Variants in RNF17 observed in about 807,000 individuals in gnomAD.
The protein encoded by RNF17 is ring finger protein 17.
A neutral mutation model predicts 200.5 loss-of-function variants in RNF17; 31 were observed. That is an observed-to-expected ratio of 0.15 (90% CI 0.12 to 0.21). RNF17 has a LOEUF of 0.21. RNF17 is among the 10% of genes least tolerant of loss of function. RNF17 has a pLI of 1.00. For missense variants in RNF17, 1,628 were observed against 1,905.1 expected, an observed-to-expected ratio of 0.85 and a Z score of 2.71; for synonymous variants, 606 against 637.8, an observed-to-expected ratio of 0.95 and a Z score of 0.75.
intron 15 of RNF17, among the ~76,000 whole-genome samples, chr13:24,807,828 T>C (rs1886078286): frequency 1.3e-5 from 2 of 151,958 alleles, no homozygotes; most frequent in South Asian, 4.2e-4. Context: ...TTGTGTAAGG[T>C]GTAAGGAAGG....
rs1891887947 is a variant in RNF17, at chr13:24,851,505, A to C, written c.3254A>C (p.Glu1085Ala). 6.2e-7 allele frequency: 1 copy of C among 1,613,540 alleles called. No homozygotes were observed. The highest frequency in any genetic ancestry group is 8.5e-7 in the Non-Finnish European group (1 of 1,179,768). ...PLPVKIFCRDEKGERVDVSKY... is the reference protein window; with the variant it reads ...PLPVKIFCRDAKGERVDVSKY... ...CCTGTGAAAATTTTCTGCAGAGATG[A>C]AAAAGGAGAGCGTGTTGATGTTTCT... Residue 1085 changes from glutamate (E) to alanine (A), a missense_variant, in exon 24 of 36, where the codon GAA becomes GCA. Physicochemically the swap from Glu to Ala is moderately radical, Grantham distance 107. This residue lies in a region of RNF17 where 609 missense variants were observed against 681.9 expected (regional missense o/e 0.89). Coordinates refer to ENST00000255324, the MANE Select transcript of RNF17 (RefSeq NM_031277.3).
In RNF17 at chr13:24,821,808, A is replaced by G. The variant is rs144805446; in HGVS notation, c.2092-3811A>G. Among the ~76,000 whole-genome samples the G allele has an allele frequency of 2.7e-3, 415 of 152,054 alleles. 1 individual carries two copies. The highest frequency in any genetic ancestry group is 4.5e-3 in the Non-Finnish European group (303 of 67,976). On this transcript the variant is annotated intron_variant, in intron 15 of 35. Transcript: ENST00000255324. Reference sequence around the variant, plus strand: ...TATTTAAGACAGTTGAGTATTTTTGATTTGCATTTTTTTTCTGGTTGCACA... The same window carrying G: ...TATTTAAGACAGTTGAGTATTTTTGGTTTGCATTTTTTTTCTGGTTGCACA...
At chr13:24,838,969 C>T (rs536140015) in intron 18 of RNF17, among the ~76,000 whole-genome samples, 3 of 152,216 alleles carry the variant, frequency 2.0e-5, no homozygotes, top group Non-Finnish European at 2.9e-5. Flanking sequence ...AATAATTCAG[C>T]GAAGTTTCCG....
At chr13:24,832,700 G>C (rs1889547489) in intron 18 of RNF17, among the ~76,000 whole-genome samples, 1 of 152,062 alleles carries the variant, frequency 6.6e-6, no homozygotes, top group African/African-American at 2.4e-5. Flanking sequence ...TCTGAAACAT[G>C]CCTGGCCCCA....
At chr13:24,788,220 A>G (rs879760030) in intron 7 of RNF17, 61 bp downstream of exon 7, 108 of 1,298,894 alleles carry the variant, frequency 8.3e-5, no homozygotes, top group Non-Finnish European at 1.1e-4. Context: ...ATGCTTTGGA[A>G]TATATTTAAG....
the RNF17 span, chr13:24,886,210 A>G: frequency 6.4e-6 from 5 of 783,352 alleles, no homozygotes; most frequent in South Asian, 4.2e-5. Flanking sequence ...CTATGTGCCA[A>G]TGGATCATAT....
At chr13:24,773,266 G>C (rs1881046094) in intron 2 of RNF17, among the ~76,000 whole-genome samples, 1 of 152,176 alleles carries the variant, frequency 6.6e-6, no homozygotes, top group Non-Finnish European at 1.5e-5. Context: ...GGTTATCACA[G>C]TATCATTCAC....
intron 15 of RNF17, among the ~76,000 whole-genome samples, chr13:24,821,239 G>A (rs1888014412): frequency 6.6e-6 from 1 of 152,008 alleles, no homozygotes. Flanking sequence ...CTGAATTAGG[G>A]CCCATCCTAA....
Position 24,800,551 on chromosome 13 carries a change from T to A in RNF17, c.1758+17T>A. Reference sequence around the variant, plus strand: ...CAGAATTCAGTAAGTGAGACTTTAATTATTTTTTCCTTCAGAGGTTATTAC... The same window carrying A: ...CAGAATTCAGTAAGTGAGACTTTAAATATTTTTTCCTTCAGAGGTTATTAC... On this transcript the variant is annotated intron_variant, in intron 13 of 35. Coordinates refer to ENST00000255324, the MANE Select transcript of RNF17 (RefSeq NM_031277.3). 6.2e-7 allele frequency: 1 copy of A among 1,606,814 alleles called. No individual in the cohort carries two copies. The highest frequency in any genetic ancestry group is 8.5e-7 in the Non-Finnish European group (1 of 1,175,400).
chr13:24,845,890 G>A (rs1368094554), intron 22 of RNF17, among the ~76,000 whole-genome samples: 3 of 152,120 alleles, frequency 2.0e-5, no homozygotes, highest in Admixed American at 2.0e-4. Context: ...TTCAATTTGA[G>A]CAAGACAGGC....
downstream of RNF17, chr13:24,883,259 C>CCGTT: frequency 2.5e-6 from 4 of 1,614,046 alleles, no homozygotes; most frequent in South Asian, 4.4e-5. Flanking sequence ...TTCTTGATGA[C>CCGTT]CGTTTGCATA....
At position 24,868,586 on chromosome 13, in the gene RNF17, C is replaced by T; in HGVS notation, c.4162-14C>T. 1.5e-6 allele frequency: 2 copies of T among 1,299,722 alleles called. No homozygotes were observed. The highest frequency in any genetic ancestry group is 1.2e-5 in the South Asian group (1 of 84,782). 80.5% of individuals were successfully genotyped at this position (1,299,722 alleles called of 1,614,324 possible). On this transcript the variant is annotated splice_polypyrimidine_tract_variant and intron_variant, in intron 30 of 35. Transcript: ENST00000255324. ...TCCTTATTCTGAAATTTGAATTTTT[C>T]TGTGGTGTTTTAGGAATTGCTTTCG... is the stretch of plus-strand genomic sequence containing the variant.
chr13:24,867,037 C>T (rs571552031), intron 30 of RNF17, among the ~76,000 whole-genome samples: 1 of 152,162 alleles, frequency 6.6e-6, no homozygotes, highest in African/African-American at 2.4e-5. Context: ...AGCATCTTTT[C>T]ATGTGCCTAT....
chr13:24,882,599 G>C (rs1953892562), downstream of RNF17: 1 of 153,748 alleles, frequency 6.5e-6, no homozygotes, highest in African/African-American at 2.4e-5. Flanking sequence ...TACAAAGTCA[G>C]CCTTGTTATA....
At chr13:24,884,519 T>C (rs1593527392), downstream of RNF17, 1 of 1,551,368 alleles carries the variant, frequency 6.4e-7, no homozygotes. Context: ...AAAGTATGGC[T>C]AATTCTCCTC....
At chr13:24,881,192 G>A (rs1953805426), downstream of RNF17, among the ~76,000 whole-genome samples, 1 of 151,742 alleles carries the variant, frequency 6.6e-6, no homozygotes, top group Non-Finnish European at 1.5e-5. Flanking sequence ...TCCCACTCAG[G>A]CTGGAGTGCA....
intron 33 of RNF17, among the ~76,000 whole-genome samples, chr13:24,875,594 T>C (rs533539579): frequency 5.3e-5 from 8 of 152,130 alleles, no homozygotes; most frequent in Admixed American, 2.6e-4. Context: ...CAGCTGCAGA[T>C]AGGAGCACAG....
chr13:24,789,605 T>A, intron 8 of RNF17, 93 bp from the exon 9 acceptor site: 2 of 933,242 alleles, frequency 2.1e-6, no homozygotes, highest in Non-Finnish European at 3.4e-6. Context: ...ATGTTTCCTT[T>A]TCAATTCATT....
chr13:24,886,428 G>A, the RNF17 span: 1 of 1,167,526 alleles, frequency 8.6e-7, no homozygotes, highest in Non-Finnish European at 1.1e-6. Flanking sequence ...GGAAATCACT[G>A]ATTTATAGGT....
Sources: gnomAD v4.1 joint callset for allele counts (sites outside exome capture counted in the v4.1 genomes callset) on GRCh38, gnomAD v4.1.1 for gene constraint, gnomAD v4.1.1 regional missense constraint, MANE v1.5 for transcripts, NCBI Gene and HGNC (gene_info 2026-07-23, HGNC 2026-07-21) for gene names.